The following ZNF487 variants were observed in gnomAD, a reference collection of about 807,000 sequenced individuals.
ZNF487 encodes KRAB domain only 1.
ZNF487 carries 4 observed loss-of-function variants against 3.0 expected under a neutral mutation model. The ratio of observed to expected loss-of-function variants is 1.35; its 90% confidence interval spans 0.66 to 3.08. ZNF487 has a LOEUF of 3.08. Among genes scored for constraint, ZNF487 ranks in the 30% most tolerant of loss-of-function variants. The pLI, the probability that ZNF487 is intolerant of heterozygous loss-of-function variation, is 0.01. For synonymous variants in ZNF487, 55 were observed against 34.6 expected (o/e 1.59, Z -2.06); for missense variants, 146 against 98.7 (o/e 1.48, Z -2.03).
At chr10:43,466,354 T>G (rs1306518057) in intron 1 of ZNF487, among the ~76,000 whole-genome samples, 1 of 152,108 alleles carries the variant, frequency 6.6e-6, no homozygotes, top group East Asian at 1.9e-4. Context: ...GGCATATTTG[T>G]TTATAGCATG....
the ZNF487 span, among the ~76,000 whole-genome samples, chr10:43,491,194 A>G: frequency 0.89 from 135,108 of 151,060 alleles, 60,573 homozygotes; most frequent in East Asian, 1. Flanking sequence ...GGATGGTCTC[A>G]AACTCCTCAC....
chr10:43,478,714 GT>G lies in ZNF487; in HGVS notation c.130+2513del, dbSNP rs1317531094. On this transcript the variant is annotated intron_variant, in intron 3 of 3. Transcript: ENST00000437590. ...AGTCTGGATGACAGAGTAAGAGCCT[GT>G]CTGTAAAAACAAAACAAAAATCAAG... Among the ~76,000 whole-genome samples, 5 of 152,130 alleles carry G rather than the reference GT, an allele frequency of 3.3e-5. No homozygotes were observed. The East Asian group carries it at 9.6e-4, about 29-fold the overall frequency.
intron 1 of ZNF487, among the ~76,000 whole-genome samples, chr10:43,454,911 C>A (rs1392608504): frequency 5.3e-5 from 7 of 131,782 alleles, no homozygotes. Flanking sequence ...ACACTCCAGC[C>A]TGGGCAACAG....
intron 1 of ZNF487, among the ~76,000 whole-genome samples, chr10:43,456,463 C>CA (rs1300475911): frequency 6.6e-6 from 1 of 152,202 alleles, no homozygotes; most frequent in African/African-American, 2.4e-5. Flanking sequence ...CTCCAGCTGT[C>CA]AGAGAGGTGA....
intron 3 of ZNF487, among the ~76,000 whole-genome samples, chr10:43,477,803 T>C (rs924218377): frequency 2.0e-5 from 3 of 151,522 alleles, no homozygotes; most frequent in Non-Finnish European, 2.9e-5. Flanking sequence ...AGTACAAAAA[T>C]TAGCCGGGTG....
chr10:43,441,220 G>T (rs925541714), intron 1 of ZNF487, among the ~76,000 whole-genome samples: 1 of 151,110 alleles, frequency 6.6e-6, no homozygotes, highest in African/African-American at 2.4e-5. Flanking sequence ...ACTTGGCTTG[G>T]CCTCCCAAAG....
chr10:43,523,080 T>C, the ZNF487 span, among the ~76,000 whole-genome samples: 2 of 152,248 alleles, frequency 1.3e-5, no homozygotes, highest in Non-Finnish European at 2.9e-5. Flanking sequence ...TTTTTTCATA[T>C]TCAGTTTGTT....
the ZNF487 span, among the ~76,000 whole-genome samples, chr10:43,491,162 C>T: frequency 1.6e-4 from 24 of 148,662 alleles, 1 homozygote; most frequent in Non-Finnish European, 2.7e-4. Context: ...TTAGTAGAGA[C>T]GGGGTTTCAC....
At chr10:43,452,097 G>T (rs552929468) in intron 1 of ZNF487, 79 of 152,180 alleles carry the variant, frequency 5.2e-4, no homozygotes, top group African/African-American at 1.9e-3. Context: ...TTTCATCTTT[G>T]TTGGTCAATT....
At chr10:43,449,337 AAG>A (rs946450458) in intron 1 of ZNF487, among the ~76,000 whole-genome samples, 5 of 152,152 alleles carry the variant, frequency 3.3e-5, no homozygotes, top group African/African-American at 9.7e-5. Flanking sequence ...TGGTACTGAA[AAG>A]AGAGAAACCA....
At chr10:43,494,052 AAAAT>A in the ZNF487 span, among the ~76,000 whole-genome samples, 7 of 151,318 alleles carry the variant, frequency 4.6e-5, no homozygotes, top group Non-Finnish European at 1.0e-4. Context: ...AAAAAAAACT[AAAAT>A]AAAATGTCAC....
chr10:43,498,099 ATTTTTTTTTTTTTTCTTTT>A, the ZNF487 span, among the ~76,000 whole-genome samples: 146 of 20,130 alleles, frequency 7.3e-3, no homozygotes, highest in Admixed American at 9.0e-3. Flanking sequence ...ATATATATAT[ATTTTTTTTTTTTTTCTTTT>A]TTTTTTTTTT....
intron 1 of ZNF487, among the ~76,000 whole-genome samples, chr10:43,437,744 C>A (rs947361260): frequency 6.6e-6 from 1 of 152,158 alleles, no homozygotes; most frequent in African/African-American, 2.4e-5. Flanking sequence ...AATCTTTGAA[C>A]TTTTTTCCTC....
downstream of ZNF487, among the ~76,000 whole-genome samples, chr10:43,487,716 T>C (rs1841482099): frequency 6.6e-6 from 1 of 151,820 alleles, no homozygotes; most frequent in Non-Finnish European, 1.5e-5. Flanking sequence ...CCTCCCAAAG[T>C]ACTGGGATTA....
the ZNF487 span, among the ~76,000 whole-genome samples, chr10:43,498,843 G>C: frequency 6.6e-6 from 1 of 151,740 alleles, no homozygotes; most frequent in Non-Finnish European, 1.5e-5. Flanking sequence ...TCGGGAGGTT[G>C]AGGCAGGAGA....
chr10:43,498,093 ATATATATTTTTTTTTTTTTTCTTT>A, the ZNF487 span, among the ~76,000 whole-genome samples: 11 of 13,264 alleles, frequency 8.3e-4, no homozygotes, highest in African/African-American at 1.4e-3. Flanking sequence ...ATATATATAT[ATATATATTTTTTTTTTTTTTCTTT>A]TTTTTTTTTT....
chr10:43,510,788 C>T, the ZNF487 span, among the ~76,000 whole-genome samples: 12 of 152,296 alleles, frequency 7.9e-5, no homozygotes, highest in Admixed American at 2.6e-4. Context: ...CCTCATGATC[C>T]GCCCGCCTTG....
chr10:43,493,384 T>C, the ZNF487 span, among the ~76,000 whole-genome samples: 1 of 151,628 alleles, frequency 6.6e-6, no homozygotes, highest in Non-Finnish European at 1.5e-5. Flanking sequence ...TGTCTTTGTA[T>C]TTGAACTCTT....
At chr10:43,500,540 C>G in the ZNF487 span, among the ~76,000 whole-genome samples, 1 of 152,108 alleles carries the variant, frequency 6.6e-6, no homozygotes, top group Non-Finnish European at 1.5e-5. Context: ...CTTGCTCAGT[C>G]ACCGAGGCTG....
Sources: gnomAD v4.1 joint callset for allele counts (sites outside exome capture counted in the v4.1 genomes callset) on GRCh38, gnomAD v4.1.1 for gene constraint, MANE v1.5 for transcripts, NCBI Gene and HGNC (gene_info 2026-07-23, HGNC 2026-07-21) for gene names.